The following PCDHA2 variants were observed in gnomAD, a reference collection of about 807,000 sequenced individuals.
PCDHA2 encodes the protein protocadherin alpha-2.
Under a neutral mutation model 66.0 loss-of-function variants are expected in PCDHA2, and 58 were observed. The observed-to-expected ratio is 0.88, with a 90% confidence interval of 0.71 to 1.09. The LOEUF (loss-of-function observed/expected upper bound fraction) is 1.09. Ranked by LOEUF, PCDHA2 falls within the 50% of genes least tolerant of loss-of-function variation. PCDHA2 has a pLI of 0.00. For synonymous variants in PCDHA2, 634 were observed against 554.0 expected, an observed-to-expected ratio of 1.14 and a Z score of -2.03; for missense variants, 1,267 against 1,242.3, an observed-to-expected ratio of 1.02 and a Z score of -0.30.
At chr5:140,993,668 A>G (rs551356894) in intron 3 of PCDHA2, among the ~76,000 whole-genome samples, 167 of 152,322 alleles carry the variant, frequency 1.1e-3, no homozygotes, top group African/African-American at 3.4e-3. Context: ...ACAATGGACC[A>G]CATATGTGAC....
chr5:140,858,158 G>A lies in PCDHA2; in HGVS notation c.2388+60806G>A, dbSNP rs781899082. On this transcript the variant is annotated intron_variant, in intron 1 of 3. Transcript: ENST00000526136. ...CGTGTACCTGATCATCGCCATCTGC[G>A]CGGTGTCCAGCTTGCTGGTGCTCAC... The A allele has an allele frequency of 6.3e-6, 10 of 1,597,616 alleles. 1 individual carries two copies. Among genetic ancestry groups the A allele is most frequent in the Admixed American group, 5.1e-5 (3 of 59,322 alleles).
intron 3 of PCDHA2, among the ~76,000 whole-genome samples, chr5:140,985,932 G>A (rs1554247524): frequency 6.6e-6 from 1 of 151,798 alleles, no homozygotes; most frequent in African/African-American, 2.4e-5. Flanking sequence ...GTAGAGCCGG[G>A]GTTTCACTGT....
chr5:140,882,658 G>A (rs2059245402), intron 1 of PCDHA2: 3 of 1,614,148 alleles, frequency 1.9e-6, no homozygotes, highest in Middle Eastern at 1.7e-4. Context: ...ACGACAACCC[G>A]CCCATATTCC....
intron 1 of PCDHA2, among the ~76,000 whole-genome samples, chr5:140,820,072 C>G (rs1044773695): frequency 1.3e-5 from 2 of 151,950 alleles, no homozygotes; most frequent in Non-Finnish European, 2.9e-5. Context: ...CTAACATCAG[C>G]TAATGCTGTT....
chr5:140,950,917 A>G (rs1270492994), intron 1 of PCDHA2, among the ~76,000 whole-genome samples: 10 of 151,524 alleles, frequency 6.6e-5, no homozygotes, highest in African/African-American at 2.4e-4. Context: ...ATTTTATTTC[A>G]GTTCTTTTTC....
chr5:140,823,842 G>A, intron 1 of PCDHA2: 2 of 1,613,848 alleles, frequency 1.2e-6, no homozygotes. Flanking sequence ...TGGGTCCCGA[G>A]GCTGCCCTGG....
At chr5:140,958,241 AT>A (rs2095415572) in intron 1 of PCDHA2, among the ~76,000 whole-genome samples, 1 of 152,118 alleles carries the variant, frequency 6.6e-6, no homozygotes, top group Non-Finnish European at 1.5e-5. Flanking sequence ...GTTTTTAACA[AT>A]TCTGAACAAA....
Position 140,993,460 on chromosome 5 carries a change from T to TCC in PCDHA2, c.2536+10898_2536+10899insCC, listed in dbSNP as rs1554253699. ...TTCATTCCTGTTCTCCTTCTTTCTT[T>TCC]CTCACACACACACACACACACACAC... On this transcript the variant is annotated intron_variant, in intron 3 of 3. Coordinates refer to ENST00000526136, the MANE Select transcript of PCDHA2 (RefSeq NM_018905.3). Among the ~76,000 whole-genome samples, 535 of 104,558 alleles carry TCC rather than the reference T, an allele frequency of 5.1e-3. 5 individuals carry two copies. Among genetic ancestry groups the TCC allele is most frequent in the African/African-American group, 0.02 (517 of 25,554 alleles). The allele number at this position is 104,558 out of a possible 152,430, so 68.6% of individuals were successfully genotyped here. A position where few individuals can be genotyped will look rare whatever the true frequency, so the allele number is the denominator to read the frequency against.
rs1761929673 is a variant in PCDHA2 at position 140,795,194 on chromosome 5, T to G, written c.230T>G (p.Val77Gly). ...AAAAGACACGGGGACCTTCTGGAGG[T>G]AAATCTGCAGAATGGCATTTTGTTT... ...ASKRHGDLLE[V>G]NLQNGILFVN... Residue 77 changes from valine (V) to glycine (G), a missense_variant, in exon 1 of 4, where the codon GTA becomes GGA. By Grantham distance (109) the Val-to-Gly change is moderately radical (BLOSUM62 -3). Coordinates refer to ENST00000526136, the MANE Select transcript of PCDHA2 (RefSeq NM_018905.3). The G allele has an allele frequency of 6.2e-7, 1 of 1,614,044 alleles. No homozygotes were observed. Among genetic ancestry groups the G allele is most frequent in the Non-Finnish European group, 8.5e-7 (1 of 1,180,016 alleles).
intron 1 of PCDHA2, chr5:140,871,673 C>A: frequency 8.7e-7 from 1 of 1,142,932 alleles, no homozygotes; most frequent in Non-Finnish European, 1.2e-6. Flanking sequence ...GTCTTTTAAT[C>A]ATATGAATAA....
chr5:140,808,548 C>T (rs782321736), intron 1 of PCDHA2: 5 of 1,614,044 alleles, frequency 3.1e-6, no homozygotes, highest in Non-Finnish European at 2.5e-6. Flanking sequence ...AACGCTCCGG[C>T]GTTCGCGCAG....
chr5:140,925,371 A>G (rs1266840293), intron 1 of PCDHA2, among the ~76,000 whole-genome samples: 2 of 152,136 alleles, frequency 1.3e-5, no homozygotes, highest in Non-Finnish European at 2.9e-5. Context: ...CATAGTCAAT[A>G]GTCAATGAGT....
chr5:140,829,347 CG>C (rs2150166374), intron 1 of PCDHA2: 1 of 1,614,114 alleles, frequency 6.2e-7, no homozygotes, highest in Non-Finnish European at 8.5e-7. Context: ...GAGAGCGTGT[CG>C]GCCTATGAGT....
intron 1 of PCDHA2, chr5:140,875,559 C>A (rs1554167755): frequency 6.2e-7 from 1 of 1,614,138 alleles, no homozygotes; most frequent in Admixed American, 1.7e-5. Flanking sequence ...TGGGGAGCGG[C>A]CAGCTCCACT....
At chr5:140,823,147 C>T in intron 1 of PCDHA2, 1 of 1,614,004 alleles carries the variant, frequency 6.2e-7, no homozygotes, top group Non-Finnish European at 8.5e-7. Flanking sequence ...CGCGCAGCCC[C>T]AGTATACCGT....
At chr5:140,983,138 G>C (rs1217034245) in intron 3 of PCDHA2, among the ~76,000 whole-genome samples, 1 of 152,170 alleles carries the variant, frequency 6.6e-6, no homozygotes, top group Non-Finnish European at 1.5e-5. Flanking sequence ...CTGACTTTTA[G>C]TGCCTTGGCA....
rs141570762 is a variant in PCDHA2 at position 140,830,083 on chromosome 5, G to C, written c.2388+32731G>C. ...AGCCGGCGCTGACAGCGACGGCCAC[G>C]GTTCTGGTGTCGCTGGTGGAGAGTG... is the stretch of plus-strand genomic sequence containing the variant. On this transcript the variant is annotated intron_variant, in intron 1 of 3. Transcript: ENST00000526136. 690 of 1,613,696 alleles carry C rather than the reference G, an allele frequency of 4.3e-4. 3 individuals are homozygous for C. In the African/African-American group the frequency reaches 8.5e-3, roughly 20 times the overall value.
At chr5:140,940,159 C>CT (rs1401623923) in intron 1 of PCDHA2, among the ~76,000 whole-genome samples, 1 of 151,978 alleles carries the variant, frequency 6.6e-6, no homozygotes, top group East Asian at 1.9e-4. Context: ...TTTTGTTTGC[C>CT]TGAAATGTCA....
At chr5:140,802,964 C>T in intron 1 of PCDHA2, 1 of 1,613,934 alleles carries the variant, frequency 6.2e-7, no homozygotes, top group Non-Finnish European at 8.5e-7. Context: ...GTGCGGGCCA[C>T]GTGGTAGCGA....
Sources: gnomAD v4.1 joint callset for allele counts (sites outside exome capture counted in the v4.1 genomes callset) on GRCh38, gnomAD v4.1.1 for gene constraint, MANE v1.5 for transcripts, NCBI Gene and HGNC (gene_info 2026-07-23, HGNC 2026-07-21) for gene names.